Variants in SBK1 observed in about 807,000 individuals in gnomAD.
SBK1 encodes the protein SH3 domain binding kinase 1.
A neutral mutation model predicts 24.4 loss-of-function variants in SBK1; 11 were observed. The ratio of observed to expected loss-of-function variants is 0.45; its 90% CI spans 0.28 to 0.75. The LOEUF (loss-of-function observed/expected upper bound fraction) is 0.75. Ranked by LOEUF, SBK1 falls within the 30% of genes least tolerant of loss-of-function variation. SBK1 has a pLI of 0.12. For synonymous variants in SBK1, 308 were observed against 284.4 expected, an observed-to-expected ratio of 1.08 and a Z score of -0.83; for missense variants, 467 against 620.5, an observed-to-expected ratio of 0.75 and a Z score of 2.63.
intron 1 of SBK1, among the ~76,000 whole-genome samples, chr16:28,268,466 G>C (rs1321592614): frequency 6.7e-6 from 1 of 148,634 alleles, no homozygotes; most frequent in Non-Finnish European, 1.5e-5. Context: ...ATGTTGCCCA[G>C]AAATCAAAAC....
intron 1 of SBK1, among the ~76,000 whole-genome samples, chr16:28,277,797 T>G (rs1040716049): frequency 2.6e-5 from 4 of 152,104 alleles, no homozygotes; most frequent in Admixed American, 2.0e-4. Context: ...GAGAACCAGA[T>G]AGAACAGAGA....
intron 1 of SBK1, among the ~76,000 whole-genome samples, chr16:28,276,960 G>C (rs1206592834): frequency 6.6e-6 from 1 of 152,042 alleles, no homozygotes; most frequent in African/African-American, 2.4e-5. Flanking sequence ...CACAGCTCCC[G>C]GGCGGTGGAT....
intron 1 of SBK1, among the ~76,000 whole-genome samples, chr16:28,264,718 C>T (rs2044417414): frequency 6.6e-6 from 1 of 152,002 alleles, no homozygotes; most frequent in Non-Finnish European, 1.5e-5. Flanking sequence ...ACTTCAGGGT[C>T]ATTGGTAAAA....
intron 1 of SBK1, among the ~76,000 whole-genome samples, chr16:28,305,365 A>G (rs539223692): frequency 2.4e-4 from 37 of 151,952 alleles, no homozygotes; most frequent in African/African-American, 8.2e-4. Flanking sequence ...GGTGTGTGCT[A>G]CCACACCTGG....
intron 1 of SBK1, among the ~76,000 whole-genome samples, chr16:28,308,238 C>T (rs895646254): frequency 6.6e-6 from 1 of 152,126 alleles, no homozygotes; most frequent in East Asian, 1.9e-4. Flanking sequence ...GCCAGCTCCA[C>T]CTCCCGGGTT....
chr16:28,308,740 G>GGGGTGTGT lies in SBK1; in HGVS notation c.-7-8644_-7-8643insGGTGTGTG, dbSNP rs1555538285. 1.8e-3 allele frequency among the ~76,000 whole-genome samples: 234 copies of GGGGTGTGT among 130,600 alleles called. 1 individual carries two copies. The highest frequency in any genetic ancestry group is 4.9e-3 in the African/African-American group (169 of 34,364). 85.7% of individuals were successfully genotyped at this position (130,600 alleles called of 152,430 possible). A position where few individuals can be genotyped will look rare whatever the true frequency, so the allele number is the denominator to read the frequency against. On this transcript the variant is annotated intron_variant, in intron 1 of 3. Coordinates refer to ENST00000341901, the MANE Select transcript of SBK1 (RefSeq NM_001024401.3). The stretch of plus-strand genomic sequence containing the variant: ...AGCTATCGTGCCTGGCGTTCTTTGG[G>GGGGTGTGT]GTGTGTGTGTGTGTGTGTGTGTGTG...
At chr16:28,277,806 G>C (rs1403607688) in intron 1 of SBK1, among the ~76,000 whole-genome samples, 1 of 152,176 alleles carries the variant, frequency 6.6e-6, no homozygotes, top group South Asian at 2.1e-4. Flanking sequence ...ATAGAACAGA[G>C]ACAGAGACAG....
Position 28,314,698 on chromosome 16 carries a change from G to A in SBK1, c.-7-2687G>A, listed in dbSNP as rs182139252. 3.6e-3 allele frequency among the ~76,000 whole-genome samples: 543 copies of A among 152,250 alleles called. 1 individual carries two copies. The highest frequency in any genetic ancestry group is 6.6e-3 in the Non-Finnish European group (452 of 68,016). On this transcript the variant is annotated intron_variant, in intron 1 of 3. Transcript: ENST00000341901. ...CATGTCTGGGATTAGAGGGAGAAGG[G>A]GCCAGGTGCGGTGGCTCACGCCTGT...
intron 1 of SBK1, among the ~76,000 whole-genome samples, chr16:28,260,773 C>T (rs1276778462): frequency 1.3e-5 from 2 of 152,126 alleles, no homozygotes; most frequent in African/African-American, 4.8e-5. Context: ...CTAGGAGAGA[C>T]AAAAGAGAAG....
intron 1 of SBK1, among the ~76,000 whole-genome samples, chr16:28,264,621 G>C (rs1353211844): frequency 6.6e-6 from 1 of 152,104 alleles, no homozygotes; most frequent in Non-Finnish European, 1.5e-5. Context: ...TTGAGAAGCA[G>C]GTGAGGTGTC....
chr16:28,317,406 C>T lies in SBK1; in HGVS notation c.15C>T (p.Cys5=), dbSNP rs766162895. 1.2e-6 allele frequency: 2 copies of T among 1,613,816 alleles called. No individual in the cohort carries two copies. The highest frequency in any genetic ancestry group is 2.2e-5 in the South Asian group (2 of 91,048). Residue 5 remains cysteine, a synonymous_variant, in exon 2 of 4, where the codon TGC becomes TGT. Coordinates refer to ENST00000341901, the MANE Select transcript of SBK1 (RefSeq NM_001024401.3). This position sits in a 1 kb window ranked among gnomAD's most constrained non-coding sequence, Gnocchi z 4.2. ...ACAGGGAGAAGATGAGCGTGGGCTG[C>T]CCAGAGCCTGAGCCGCCCCGCTCCC... is the stretch of plus-strand genomic sequence containing the variant. MSVG[C]PEPEPPRSLT... is the part of the protein sequence containing the mutation.
chr16:28,260,960 G>T (rs1029562723), intron 1 of SBK1, among the ~76,000 whole-genome samples: 1 of 152,114 alleles, frequency 6.6e-6, no homozygotes, highest in Non-Finnish European at 1.5e-5. Flanking sequence ...AAAGGGCATC[G>T]CAGGCAGTGG....
intron 1 of SBK1, among the ~76,000 whole-genome samples, chr16:28,307,554 G>C (rs1161482360): frequency 6.6e-6 from 1 of 151,982 alleles, no homozygotes; most frequent in Non-Finnish European, 1.5e-5. Context: ...AGCCTGGCCA[G>C]CATGGTGAAA....
chr16:28,287,448 C>CAAAAA (rs751846795), intron 1 of SBK1, among the ~76,000 whole-genome samples: 2 of 80,144 alleles, frequency 2.5e-5, no homozygotes, highest in African/African-American at 4.5e-5. Flanking sequence ...GACTCCATCT[C>CAAAAA]AAAAAAAAAA....
Position 28,323,221 on chromosome 16 carries a change from G to A in SBK1, c.*2300G>A, listed in dbSNP as rs2044871242. 6.6e-6 allele frequency: 1 copy of A among 151,036 alleles called. No homozygotes were observed. Among genetic ancestry groups the A allele is most frequent in the Non-Finnish European group, 1.5e-5 (1 of 67,742 alleles). 9.4% of individuals were successfully genotyped at this position (151,036 alleles called of 1,614,324 possible). ...TCGGGCTGGGACCCTTTGCCCCTTAGGAGAGGTGTTGGTCACAGATGTTTA... is the reference window on the plus strand; with the variant it reads ...TCGGGCTGGGACCCTTTGCCCCTTAAGAGAGGTGTTGGTCACAGATGTTTA... On this transcript the variant is annotated 3_prime_UTR_variant, in exon 4 of 4. Coordinates refer to ENST00000341901, the MANE Select transcript of SBK1 (RefSeq NM_001024401.3).
At chr16:28,279,143 G>T (rs2044513253) in intron 1 of SBK1, among the ~76,000 whole-genome samples, 1 of 150,926 alleles carries the variant, frequency 6.6e-6, no homozygotes, top group South Asian at 2.1e-4. Context: ...AGAGGCGGAG[G>T]TTGCAGAGCC....
Position 28,266,371 on chromosome 16 carries a change from AAAAAG to A in SBK1, c.257+6889_257+6893del, listed in dbSNP as rs372380193. Among the ~76,000 whole-genome samples the A allele has an allele frequency of 1.1e-3, 173 of 152,166 alleles. 2 individuals are homozygous for A. The South Asian group carries it at 0.027, about 24-fold the overall frequency. On this transcript the variant is annotated intron_variant, in intron 1 of 3. Coordinates refer to the SBK1 transcript ENST00000671413. ...GACAAAGGGAGACCCTGTCTCTTAC[AAAAAG>A]AAAAGAAAAGAAAAGAAAAAGGATA...
upstream of SBK1, among the ~76,000 whole-genome samples, chr16:28,288,242 A>ACG (rs1274052635): frequency 6.6e-6 from 1 of 152,208 alleles, no homozygotes; most frequent in Non-Finnish European, 1.5e-5. Flanking sequence ...CCACGAACAG[A>ACG]CGCGCCTTAG....
In SBK1 at chr16:28,322,721, T is replaced by C. The variant is rs1368204155; in HGVS notation, c.*1800T>C. 1 of 152,306 alleles carries C rather than the reference T, an allele frequency of 6.6e-6. No homozygotes were observed. Among genetic ancestry groups the C allele is most frequent in the Non-Finnish European group, 1.5e-5 (1 of 68,056 alleles). 9.4% of individuals were successfully genotyped at this position (152,306 alleles called of 1,614,324 possible). ...TGCCAGGTAAGTAGCAAACCCCCACTCCCTCCAAGGACCAGGTCTCAGAGA... is the reference window on the plus strand; with the variant it reads ...TGCCAGGTAAGTAGCAAACCCCCACCCCCTCCAAGGACCAGGTCTCAGAGA... On this transcript the variant is annotated 3_prime_UTR_variant, in exon 4 of 4. Coordinates refer to ENST00000341901, the MANE Select transcript of SBK1 (RefSeq NM_001024401.3).
Sources: allele counts gnomAD v4.1 joint callset (sites outside exome capture counted in the v4.1 genomes callset), GRCh38; gene constraint gnomAD v4.1.1; non-coding constraint Gnocchi (gnomAD v3.1); transcripts MANE v1.5; gene names NCBI Gene and HGNC (gene_info 2026-07-23, HGNC 2026-07-21).